The following TP63 variants were observed in gnomAD, a reference collection of about 807,000 sequenced individuals.
TP63 encodes tumor protein p63.
Under a neutral mutation model 82.8 loss-of-function variants are expected in TP63, and 17 were observed. The ratio of observed to expected loss-of-function variants is 0.21; its 90% CI spans 0.14 to 0.31. The LOEUF (loss-of-function observed/expected upper bound fraction) is 0.31. TP63 is among the 10% of genes least tolerant of loss of function. The pLI is 1.00. For synonymous variants in TP63, 330 were observed against 321.7 expected, an observed-to-expected ratio of 1.03 and a Z score of -0.28; for missense variants, 648 against 895.3, an observed-to-expected ratio of 0.72 and a Z score of 3.52.
At chr3:189,881,096 T>C in intron 10 of TP63, 5 of 985,374 alleles carry the variant, frequency 5.1e-6, no homozygotes, top group Non-Finnish European at 6.0e-6. Context: ...TTAATTTGCT[T>C]AATTAGAGCT....
rs574797169 is a variant in TP63, at chr3:189,632,753, T to A, written c.62+1176T>A. Among the ~76,000 whole-genome samples the A allele has an allele frequency of 6.6e-5, 10 of 152,230 alleles. No homozygotes were observed. The East Asian group carries it at 1.9e-3, about 29-fold the overall frequency. On this transcript the variant is annotated intron_variant, in intron 1 of 13. Transcript: ENST00000264731. Reference sequence around the variant, plus strand: ...CCACAAACAACAATATTAGCACAAATAAATGGCTCTAGGATTTATGTTCTT... The same window carrying A: ...CCACAAACAACAATATTAGCACAAAAAAATGGCTCTAGGATTTATGTTCTT...
chr3:189,656,975 T>C lies in TP63; in HGVS notation c.62+25398T>C, dbSNP rs180871160. ...ACTGCAGTGCATCCCATTCATACAA[T>C]GAAATATTACTCAGCAAAAAAAAGA... is the stretch of plus-strand genomic sequence containing the variant. On this transcript the variant is annotated intron_variant, in intron 1 of 13. Coordinates refer to ENST00000264731, the MANE Select transcript of TP63 (RefSeq NM_003722.5). Among the ~76,000 whole-genome samples, 197 of 148,152 alleles carry C rather than the reference T, an allele frequency of 1.3e-3. 1 individual carries two copies. Among genetic ancestry groups the C allele is most frequent in the African/African-American group, 4.7e-3 (189 of 39,994 alleles).
intron 4 of TP63, among the ~76,000 whole-genome samples, chr3:189,815,636 A>T (rs1481538799): frequency 6.6e-6 from 1 of 152,162 alleles, no homozygotes; most frequent in Non-Finnish European, 1.5e-5. Context: ...AAGTTGTAAA[A>T]CACTACAGGC....
chr3:189,889,248 C>G (rs1720768815), intron 11 of TP63, 92 bp from the exon 12 acceptor site: 1 of 1,588,548 alleles, frequency 6.3e-7, no homozygotes, highest in Non-Finnish European at 8.6e-7. Flanking sequence ...AGTTTAGGCC[C>G]TTGATAAAAT....
chr3:189,645,503 T>A (rs895083929), intron 1 of TP63: 2 of 196,484 alleles, frequency 1.0e-5, no homozygotes, highest in African/African-American at 4.7e-5. Context: ...TTTTTAATTT[T>A]TTTATTATTT....
chr3:189,632,504 A>G (rs1729523928), intron 1 of TP63, among the ~76,000 whole-genome samples: 1 of 152,164 alleles, frequency 6.6e-6, no homozygotes, highest in Non-Finnish European at 1.5e-5. Context: ...GTGATTTGCT[A>G]CAACGTAGAA....
intron 1 of TP63, among the ~76,000 whole-genome samples, chr3:189,671,431 T>C (rs904519836): frequency 2.6e-5 from 4 of 152,146 alleles, no homozygotes; most frequent in Admixed American, 2.6e-4. Context: ...TCTTACACAT[T>C]CTTGGTTGGA....
intron 4 of TP63, among the ~76,000 whole-genome samples, chr3:189,826,263 T>A (rs139509789): frequency 1.4e-3 from 219 of 152,314 alleles, no homozygotes; most frequent in African/African-American, 4.9e-3. Context: ...AAGCATTTTG[T>A]CTCTTAAATG....
intron 4 of TP63, among the ~76,000 whole-genome samples, chr3:189,832,579 G>T (rs111378486): frequency 6.6e-6 from 1 of 152,104 alleles, no homozygotes; most frequent in African/African-American, 2.4e-5. Context: ...ACCTCTGGCC[G>T]CATAGTCAGT....
At chr3:189,840,753 G>A (rs531893596) in intron 4 of TP63, among the ~76,000 whole-genome samples, 341 of 150,786 alleles carry the variant, frequency 2.3e-3, no homozygotes, top group Admixed American at 3.4e-3. Context: ...AGCTACTCGG[G>A]AGCCTGAGGC....
chr3:189,670,222 G>T (rs1353591486), intron 1 of TP63, among the ~76,000 whole-genome samples: 1 of 152,024 alleles, frequency 6.6e-6, no homozygotes, highest in Non-Finnish European at 1.5e-5. Context: ...CTCATAAACA[G>T]ATATAGTTGG....
intron 3 of TP63, among the ~76,000 whole-genome samples, chr3:189,749,793 G>A (rs1382365750): frequency 6.6e-6 from 1 of 152,028 alleles, no homozygotes; most frequent in Non-Finnish European, 1.5e-5. Flanking sequence ...ATAAAATTTG[G>A]TGTATATATA....
chr3:189,686,825 G>A (rs1388238194), intron 1 of TP63, among the ~76,000 whole-genome samples: 1 of 150,844 alleles, frequency 6.6e-6, no homozygotes, highest in Non-Finnish European at 1.5e-5. Flanking sequence ...CTGCCACCCA[G>A]GTTCAAGCGA....
At chr3:189,659,536 G>T (rs1268154085) in intron 1 of TP63, among the ~76,000 whole-genome samples, 1 of 151,930 alleles carries the variant, frequency 6.6e-6, no homozygotes, top group African/African-American at 2.4e-5. Flanking sequence ...ACATATGAGT[G>T]CATTTTTAAT....
intron 1 of TP63, among the ~76,000 whole-genome samples, chr3:189,735,513 G>A (rs1277929955): frequency 6.6e-6 from 1 of 152,138 alleles, no homozygotes; most frequent in African/African-American, 2.4e-5. Context: ...AATCAAGCTG[G>A]AAACTTAAAG....
intron 3 of TP63, among the ~76,000 whole-genome samples, chr3:189,803,204 A>T (rs2108624629): frequency 6.6e-6 from 1 of 152,292 alleles, no homozygotes; most frequent in East Asian, 1.9e-4. Flanking sequence ...AGGCTGAGGG[A>T]GGAGAATCTC....
chr3:189,823,291 T>G (rs139406203), intron 4 of TP63, among the ~76,000 whole-genome samples: 1 of 152,180 alleles, frequency 6.6e-6, no homozygotes, highest in South Asian at 2.1e-4. Flanking sequence ...GGCCAGCCTA[T>G]GTAGGGTAAG....
chr3:189,742,887 G>C (rs966605982), intron 3 of TP63, among the ~76,000 whole-genome samples: 1 of 152,156 alleles, frequency 6.6e-6, no homozygotes, highest in Non-Finnish European at 1.5e-5. Flanking sequence ...ACATTGCAGA[G>C]AAGGTAATTT....
At chr3:189,775,378 C>T (rs977738746) in intron 3 of TP63, among the ~76,000 whole-genome samples, 1 of 152,152 alleles carries the variant, frequency 6.6e-6, no homozygotes, top group African/African-American at 2.4e-5. Flanking sequence ...CTTTTCTTCA[C>T]CCCAAACCTA....
Sources: allele counts gnomAD v4.1 joint callset (sites outside exome capture counted in the v4.1 genomes callset), GRCh38; gene constraint gnomAD v4.1.1; transcripts MANE v1.5; gene names NCBI Gene and HGNC (gene_info 2026-07-23, HGNC 2026-07-21).